The following CSMD1 variants were observed in gnomAD, a reference collection of about 807,000 sequenced individuals.
CSMD1 encodes CUB and sushi domain-containing protein 1.
Under a neutral mutation model 417.5 loss-of-function variants are expected in CSMD1, and 213 were observed. The ratio of observed to expected loss-of-function variants is 0.51; its 90% confidence interval spans 0.46 to 0.57. The LOEUF is 0.57. Ranked by LOEUF, CSMD1 falls within the 20% of genes least tolerant of loss-of-function variation. The pLI, the probability that CSMD1 is intolerant of heterozygous loss-of-function variation, is 0.00. For synonymous variants in CSMD1, 2,862 were observed against 1,736.8 expected, an observed-to-expected ratio of 1.65 and a Z score of -16.11; for missense variants, 6,923 against 4,529.7, an observed-to-expected ratio of 1.53 and a Z score of -15.17.
At chr8:4,666,802 C>G (rs765617718) in intron 1 of CSMD1, among the ~76,000 whole-genome samples, 1 of 152,016 alleles carries the variant, frequency 6.6e-6, no homozygotes, top group South Asian at 2.1e-4. Flanking sequence ...TGTAGTCTAT[C>G]TTTTCATTTT....
chr8:4,129,314 C>A (rs1425648867), intron 3 of CSMD1, among the ~76,000 whole-genome samples: 1 of 152,080 alleles, frequency 6.6e-6, no homozygotes, highest in Non-Finnish European at 1.5e-5. Flanking sequence ...TCCCTCTTTT[C>A]ATGTGGAGCC....
At chr8:4,830,852 G>C (rs147358164) in intron 1 of CSMD1, among the ~76,000 whole-genome samples, 1 of 152,144 alleles carries the variant, frequency 6.6e-6, no homozygotes, top group Non-Finnish European at 1.5e-5. Flanking sequence ...GCTAAGTGAA[G>C]AAATTCTGGG....
chr8:3,759,881 C>T (rs1797894097), intron 5 of CSMD1, among the ~76,000 whole-genome samples: 1 of 141,946 alleles, frequency 7.0e-6, no homozygotes, highest in Admixed American at 7.4e-5. Flanking sequence ...TGCACTCTAG[C>T]CTGGGTGACT....
intron 3 of CSMD1, among the ~76,000 whole-genome samples, chr8:4,155,512 C>T (rs1021034197): frequency 2.0e-5 from 3 of 152,124 alleles, no homozygotes. Context: ...TTCTTAAACG[C>T]CAAACTTAAA....
chr8:4,113,752 A>G (rs1416717637), intron 3 of CSMD1, among the ~76,000 whole-genome samples: 1 of 152,178 alleles, frequency 6.6e-6, no homozygotes, highest in African/African-American at 2.4e-5. Flanking sequence ...AAACAGCCTT[A>G]TTGGTGAGAT....
At chr8:4,295,175 TATA>T (rs1369132655) in intron 3 of CSMD1, among the ~76,000 whole-genome samples, 1 of 143,434 alleles carries the variant, frequency 7.0e-6, no homozygotes, top group African/African-American at 2.5e-5. Context: ...CTTAAGATTA[TATA>T]ATCTTAAGAT....
At chr8:3,580,957 A>G (rs142284173) in intron 9 of CSMD1, among the ~76,000 whole-genome samples, 1 of 152,208 alleles carries the variant, frequency 6.6e-6, no homozygotes, top group South Asian at 2.1e-4. Flanking sequence ...TGAAATTCCA[A>G]CGCAATAATA....
chr8:4,747,094 C>G (rs1417907271), intron 1 of CSMD1, among the ~76,000 whole-genome samples: 1 of 152,114 alleles, frequency 6.6e-6, no homozygotes, highest in Non-Finnish European at 1.5e-5. Flanking sequence ...CTGCACGACA[C>G]AGGAATGGCA....
chr8:4,744,781 A>G (rs1810847279), intron 1 of CSMD1, among the ~76,000 whole-genome samples: 1 of 152,154 alleles, frequency 6.6e-6, no homozygotes, highest in Non-Finnish European at 1.5e-5. Flanking sequence ...AATCTTGTAG[A>G]ATTTCTTCAT....
chr8:3,523,177 A>T (rs977120693), intron 10 of CSMD1, among the ~76,000 whole-genome samples: 3 of 152,172 alleles, frequency 2.0e-5, no homozygotes, highest in Non-Finnish European at 4.4e-5. Context: ...ATGCTGGGCT[A>T]CTTGGAATCA....
intron 3 of CSMD1, among the ~76,000 whole-genome samples, chr8:4,385,657 T>G (rs751786871): frequency 6.6e-6 from 1 of 152,218 alleles, no homozygotes; most frequent in Admixed American, 6.5e-5. Flanking sequence ...GGCATCATCC[T>G]GTAGGCATTA....
At chr8:4,384,896 A>T (rs1229001312) in intron 3 of CSMD1, among the ~76,000 whole-genome samples, 1 of 152,196 alleles carries the variant, frequency 6.6e-6, no homozygotes, top group African/African-American at 2.4e-5. Flanking sequence ...GTGACTATCA[A>T]CAGAGTGGCT....
chr8:4,600,803 A>G (rs1011077025), intron 2 of CSMD1, among the ~76,000 whole-genome samples: 3 of 152,176 alleles, frequency 2.0e-5, no homozygotes, highest in African/African-American at 4.8e-5. Flanking sequence ...TAAGAAATCA[A>G]TCTCTCAATC....
intron 3 of CSMD1, among the ~76,000 whole-genome samples, chr8:4,091,300 T>G (rs1286019101): frequency 2.0e-5 from 3 of 152,182 alleles, no homozygotes; most frequent in Non-Finnish European, 2.9e-5. Flanking sequence ...TTTATTAAAA[T>G]TCTGATTCAA....
At chr8:4,225,109 C>A (rs923456420) in intron 3 of CSMD1, among the ~76,000 whole-genome samples, 47 of 152,014 alleles carry the variant, frequency 3.1e-4, no homozygotes, top group Non-Finnish European at 5.6e-4. Flanking sequence ...GAGACTCCAC[C>A]TCAAAAAAAG....
chr8:4,188,497 G>A (rs767499759), intron 3 of CSMD1, among the ~76,000 whole-genome samples: 5 of 152,056 alleles, frequency 3.3e-5, no homozygotes, highest in Non-Finnish European at 5.9e-5. Context: ...GTTAAACCTG[G>A]TCACAAAAGA....
At chr8:4,051,165 A>C (rs938572405) in intron 3 of CSMD1, among the ~76,000 whole-genome samples, 2 of 152,034 alleles carry the variant, frequency 1.3e-5, no homozygotes, top group Admixed American at 6.6e-5. Context: ...GAAAGCAGAA[A>C]TGGCAGCACA....
intron 1 of CSMD1, among the ~76,000 whole-genome samples, chr8:4,815,282 G>T (rs147872665): frequency 6.6e-6 from 1 of 152,060 alleles, no homozygotes. Context: ...AAACCAATCT[G>T]CATTTGTGTC....
chr8:4,428,340 A>C (rs1797682623), intron 2 of CSMD1, among the ~76,000 whole-genome samples: 2 of 152,216 alleles, frequency 1.3e-5, no homozygotes, highest in African/African-American at 4.8e-5. Flanking sequence ...TCTATCATCT[A>C]GTACCTACTA....
Sources: gnomAD v4.1 joint callset for allele counts (sites outside exome capture counted in the v4.1 genomes callset) on GRCh38, gnomAD v4.1.1 for gene constraint, MANE v1.5 for transcripts, NCBI Gene and HGNC (gene_info 2026-07-23, HGNC 2026-07-21) for gene names.